Variants in EML1 observed in about 807,000 individuals in gnomAD.
The protein encoded by EML1 is EMAP like 1.
Under a neutral mutation model 110.4 loss-of-function variants are expected in EML1, and 27 were observed. The observed-to-expected ratio is 0.24, with a 90% CI of 0.18 to 0.34. EML1 has a LOEUF of 0.34. Ranked by LOEUF, EML1 falls within the 10% of genes least tolerant of loss-of-function variation. EML1 has a pLI of 1.00. For missense variants in EML1, 741 were observed against 1,030.9 expected (o/e 0.72, Z 3.85); for synonymous variants, 344 against 385.8 (o/e 0.89, Z 1.27).
intron 1 of EML1, among the ~76,000 whole-genome samples, chr14:99,798,349 G>T (rs1487679147): frequency 6.6e-6 from 1 of 150,634 alleles, no homozygotes; most frequent in Non-Finnish European, 1.5e-5. Context: ...ACACAAAGAA[G>T]ATTAGAATTG....
chr14:99,915,576 A>G (rs2060021328), intron 15 of EML1, among the ~76,000 whole-genome samples: 1 of 151,982 alleles, frequency 6.6e-6, no homozygotes, highest in South Asian at 2.1e-4. Context: ...TCCCTGTAGC[A>G]GCTCTGCAGG....
chr14:99,934,234 C>T lies in EML1; in HGVS notation c.1910-1795C>T, dbSNP rs905723804. Among the ~76,000 whole-genome samples, 6 of 152,334 alleles carry T rather than the reference C, an allele frequency of 3.9e-5. No individual in the cohort carries two copies. In the South Asian group the frequency reaches 1.2e-3, roughly 32 times the overall value. On this transcript the variant is annotated intron_variant, in intron 17 of 21. Coordinates refer to ENST00000262233, the MANE Select transcript of EML1 (RefSeq NM_004434.3). ...CAGTTGCAGGCATTGAGTGCAGAGACGGTTGGTTTCTGGCGTGGTCACCTG... is the reference window on the plus strand; with the variant it reads ...CAGTTGCAGGCATTGAGTGCAGAGATGGTTGGTTTCTGGCGTGGTCACCTG...
At chr14:99,780,674 T>C (rs545702613) in intron 1 of EML1, among the ~76,000 whole-genome samples, 2 of 152,312 alleles carry the variant, frequency 1.3e-5, no homozygotes, top group South Asian at 2.1e-4. Flanking sequence ...GCACGTATGA[T>C]GATGGTCCCA....
intron 1 of EML1, among the ~76,000 whole-genome samples, chr14:99,759,320 A>C (rs1375943879): frequency 1.3e-5 from 2 of 152,182 alleles, no homozygotes; most frequent in African/African-American, 2.4e-5. Context: ...GCAGGGGCTC[A>C]AGGTGAGTTC....
chr14:99,878,597 A>G lies in EML1; in HGVS notation c.496A>G (p.Ser166Gly). ...CACAGGCTCCACCAGCAGCTCTTCCAGTGGCAAAAAGAACAGTGAAAGGTA... is the reference window on the plus strand; with the variant it reads ...CACAGGCTCCACCAGCAGCTCTTCCGGTGGCAAAAAGAACAGTGAAAGGTA... ...NRTGSTSSSS[S>G]GKKNSESKPK... Residue 166 changes from serine to glycine, a missense_variant, in exon 4 of 22, where the codon AGT (serine) becomes GGT (glycine). Physicochemically the swap from Ser to Gly is moderately conservative, Grantham distance 56. Coordinates refer to ENST00000262233, the MANE Select transcript of EML1 (RefSeq NM_004434.3). 6.2e-7 allele frequency: 1 copy of G among 1,613,796 alleles called. No homozygotes were observed. The highest frequency in any genetic ancestry group is 8.5e-7 in the Non-Finnish European group (1 of 1,179,852).
At position 99,917,834 on chromosome 14, in the gene EML1, G is replaced by C. The variant is rs544803995; in HGVS notation, c.1805G>C (p.Gly602Ala). ...FHPSGSVVAVGTLTGRWFVFD... is the reference protein window; with the variant it reads ...FHPSGSVVAVATLTGRWFVFD... The stretch of plus-strand genomic sequence containing the variant: ...CCTTCAGGGTCTGTGGTTGCAGTCG[G>C]AACACTCACTGGGAGGTAAGTCCAT... Residue 602 changes from glycine (G) to alanine (A), a missense_variant, in exon 16 of 22, where the codon GGA becomes GCA. Transcript: ENST00000262233. 37 of 1,614,142 alleles carry C rather than the reference G, an allele frequency of 2.3e-5. No homozygotes were observed. In the African/African-American group the frequency reaches 4.5e-4, roughly 20 times the overall value.
At chr14:99,813,821 A>T (rs746525877) in intron 1 of EML1, among the ~76,000 whole-genome samples, 1 of 152,156 alleles carries the variant, frequency 6.6e-6, no homozygotes, top group Non-Finnish European at 1.5e-5. Context: ...ACTCAATTGG[A>T]ATTGAGACTT....
chr14:99,891,351 G>A (rs2139987514), intron 5 of EML1, 124 bp downstream of exon 5: 6 of 1,211,878 alleles, frequency 5.0e-6, no homozygotes, highest in Non-Finnish European at 5.9e-6. Flanking sequence ...GTTTGTGCAG[G>A]CCCAGATGGA....
upstream of EML1, among the ~76,000 whole-genome samples, chr14:99,789,736 C>A (rs2057641844): frequency 6.6e-6 from 1 of 152,152 alleles, no homozygotes; most frequent in African/African-American, 2.4e-5. Flanking sequence ...GGCTACAGAG[C>A]TTTCACTTTC....
chr14:99,798,158 T>C (rs977108809), intron 1 of EML1, among the ~76,000 whole-genome samples: 4 of 152,194 alleles, frequency 2.6e-5, no homozygotes, highest in Non-Finnish European at 5.9e-5. Context: ...ATCTTATCCA[T>C]ATATTAGGTC....
intron 1 of EML1, among the ~76,000 whole-genome samples, chr14:99,807,502 A>G (rs139366886): frequency 1.3e-5 from 2 of 152,264 alleles, no homozygotes; most frequent in African/African-American, 4.8e-5. Flanking sequence ...GGGCTGGGGT[A>G]GTGGCCAGGA....
At chr14:99,907,372 G>A in intron 9 of EML1, 3 of 422,252 alleles carry the variant, frequency 7.1e-6, no homozygotes, top group Non-Finnish European at 1.3e-5. Flanking sequence ...GGAGGCTGGG[G>A]TAGGAGGATT....
At chr14:99,796,537 G>T (rs770054230) in intron 1 of EML1, among the ~76,000 whole-genome samples, 14 of 149,228 alleles carry the variant, frequency 9.4e-5, no homozygotes, top group Non-Finnish European at 1.6e-4. Context: ...TGTGACCCAG[G>T]TTGGAGTGCA....
chr14:99,753,458 A>G (rs1008158985), intron 1 of EML1, among the ~76,000 whole-genome samples: 6 of 151,278 alleles, frequency 4.0e-5, no homozygotes, highest in South Asian at 4.2e-4. Flanking sequence ...TTCTCCACAC[A>G]CTGCTCAGTG....
chr14:99,925,809 T>G (rs1169812735), intron 17 of EML1, among the ~76,000 whole-genome samples: 1 of 152,198 alleles, frequency 6.6e-6, no homozygotes, highest in East Asian at 1.9e-4. Flanking sequence ...CCACTGTGCA[T>G]GCACCAGCCT....
At chr14:99,806,497 G>A (rs1006336086) in intron 1 of EML1, among the ~76,000 whole-genome samples, 3 of 151,928 alleles carry the variant, frequency 2.0e-5, no homozygotes, top group African/African-American at 7.3e-5. Flanking sequence ...TGTATTTTTA[G>A]TAGAGATGAG....
At chr14:99,903,571 T>C (rs557592552) in intron 9 of EML1, among the ~76,000 whole-genome samples, 1 of 152,228 alleles carries the variant, frequency 6.6e-6, no homozygotes, top group East Asian at 1.9e-4. Context: ...ATTAATAACA[T>C]ACACTAAGTC....
intron 1 of EML1, among the ~76,000 whole-genome samples, chr14:99,844,910 A>G (rs1166419294): frequency 2.0e-5 from 3 of 152,210 alleles, no homozygotes; most frequent in Non-Finnish European, 4.4e-5. Context: ...ACCACAGTTT[A>G]TCCATTCACC....
chr14:99,737,931 A>C (rs2140154695), intron 1 of EML1: 2 of 1,273,048 alleles, frequency 1.6e-6, no homozygotes, highest in Middle Eastern at 2.3e-4. Flanking sequence ...CGCCGAGGGC[A>C]CTGGGGCCCC....
Sources: allele counts gnomAD v4.1 joint callset (sites outside exome capture counted in the v4.1 genomes callset), GRCh38; gene constraint gnomAD v4.1.1; transcripts MANE v1.5; gene names NCBI Gene and HGNC (gene_info 2026-07-23, HGNC 2026-07-21).